ENTREP2: variants seen among roughly 807,000 people sequenced by gnomAD.
ENTREP2 encodes endosomal transmembrane epsin interactor 2, also known as protein ENTREP2.
At chr15:29,134,311 T>C in the ENTREP2 span, among the ~76,000 whole-genome samples, 1 of 152,186 alleles carries the variant, frequency 6.6e-6, no homozygotes, top group Non-Finnish European at 1.5e-5. Flanking sequence ...GACTAAAGGA[T>C]TCCTCTCCAC....
chr15:29,656,289 G>C, the ENTREP2 span, among the ~76,000 whole-genome samples: 1 of 151,492 alleles, frequency 6.6e-6, no homozygotes, highest in African/African-American at 2.4e-5. Context: ...GCAGTAGCAC[G>C]ATTTCAGCTC....
the ENTREP2 span, among the ~76,000 whole-genome samples, chr15:29,211,274 G>A: frequency 6.6e-6 from 1 of 152,144 alleles, no homozygotes; most frequent in South Asian, 2.1e-4. Context: ...GAGTCATGGT[G>A]TTCTGTGACC....
chr15:29,409,887 G>A, the ENTREP2 span, among the ~76,000 whole-genome samples: 3 of 152,272 alleles, frequency 2.0e-5, no homozygotes, highest in African/African-American at 7.2e-5. Context: ...TAGCTCAAAC[G>A]TTGAATGACA....
the ENTREP2 span, among the ~76,000 whole-genome samples, chr15:29,306,131 G>A: frequency 6.6e-6 from 1 of 152,248 alleles, no homozygotes; most frequent in African/African-American, 2.4e-5. Context: ...TGGGTTGTTG[G>A]TGATCCTTCA....
chr15:29,254,178 A>AT, the ENTREP2 span, among the ~76,000 whole-genome samples: 1,263 of 150,052 alleles, frequency 8.4e-3, 23 homozygotes, highest in African/African-American at 0.03. Flanking sequence ...AAAAAAAAAA[A>AT]AAAAAAAAAA....
chr15:29,549,331 G>A, the ENTREP2 span, among the ~76,000 whole-genome samples: 9 of 151,532 alleles, frequency 5.9e-5, no homozygotes, highest in Non-Finnish European at 1.2e-4. Context: ...GTGCAGTGGT[G>A]TGATATCCAC....
the ENTREP2 span, among the ~76,000 whole-genome samples, chr15:29,305,516 G>A: frequency 6.6e-6 from 1 of 152,176 alleles, no homozygotes; most frequent in Non-Finnish European, 1.5e-5. Flanking sequence ...AGAAGTGGCT[G>A]GACCCTGGAT....
chr15:29,446,608 C>G, the ENTREP2 span, among the ~76,000 whole-genome samples: 5 of 152,174 alleles, frequency 3.3e-5, no homozygotes, highest in Non-Finnish European at 7.3e-5. Flanking sequence ...TCTTGATATA[C>G]GTGTATACTG....
chr15:29,633,483 T>C, the ENTREP2 span, among the ~76,000 whole-genome samples: 2 of 151,992 alleles, frequency 1.3e-5, no homozygotes, highest in African/African-American at 4.8e-5. Flanking sequence ...TTGAAATGTA[T>C]TTGGTATGAC....
At chr15:29,424,264 G>A in the ENTREP2 span, among the ~76,000 whole-genome samples, 2 of 152,228 alleles carry the variant, frequency 1.3e-5, no homozygotes, top group East Asian at 1.9e-4. Flanking sequence ...GGCTCCCACC[G>A]CTGACTGGGT....
chr15:29,146,040 A>G, the ENTREP2 span, among the ~76,000 whole-genome samples: 1 of 152,238 alleles, frequency 6.6e-6, no homozygotes, highest in Admixed American at 6.5e-5. Flanking sequence ...AATTTAATTA[A>G]GATAGTAATT....
the ENTREP2 span, among the ~76,000 whole-genome samples, chr15:29,642,463 T>C: frequency 1.6e-3 from 237 of 145,608 alleles, no homozygotes; most frequent in Non-Finnish European, 2.8e-3. Context: ...CACACACACA[T>C]ATATATACTG....
chr15:29,525,250 G>A, the ENTREP2 span, among the ~76,000 whole-genome samples: 1 of 152,168 alleles, frequency 6.6e-6, no homozygotes, highest in African/African-American at 2.4e-5. Flanking sequence ...TCTATTCCTA[G>A]GTACATACCC....
the ENTREP2 span, among the ~76,000 whole-genome samples, chr15:29,158,583 A>AT: frequency 3.3e-5 from 5 of 151,812 alleles, no homozygotes; most frequent in Non-Finnish European, 7.4e-5. Flanking sequence ...TTTGATGTAT[A>AT]TTTTTTTAAG....
chr15:29,539,739 C>T, the ENTREP2 span, among the ~76,000 whole-genome samples: 1 of 152,086 alleles, frequency 6.6e-6, no homozygotes, highest in African/African-American at 2.4e-5. Context: ...TTGGAGAGGG[C>T]CCAGAATCGC....
the ENTREP2 span, among the ~76,000 whole-genome samples, chr15:29,167,933 C>T: frequency 6.6e-6 from 1 of 152,138 alleles, no homozygotes. Context: ...AAATGCCCAT[C>T]AATCAATGAG....
chr15:29,426,164 T>C, the ENTREP2 span, among the ~76,000 whole-genome samples: 2 of 152,138 alleles, frequency 1.3e-5, no homozygotes, highest in Admixed American at 1.3e-4. Context: ...TATTCAGAAA[T>C]GGTATGCAGA....
the ENTREP2 span, among the ~76,000 whole-genome samples, chr15:29,480,727 G>A: frequency 6.6e-6 from 1 of 152,144 alleles, no homozygotes; most frequent in Non-Finnish European, 1.5e-5. Context: ...AGCAAACCTG[G>A]TGGACACTGG....
At chr15:29,525,407 GAAATA>G in the ENTREP2 span, among the ~76,000 whole-genome samples, 1 of 152,204 alleles carries the variant, frequency 6.6e-6, no homozygotes, top group Non-Finnish European at 1.5e-5. Flanking sequence ...GCCATAAAAT[GAAATA>G]AAGTATTATT....
Sources: allele counts gnomAD v4.1 joint callset (sites outside exome capture counted in the v4.1 genomes callset), GRCh38; gene constraint gnomAD v4.1.1; transcripts MANE v1.5; gene names NCBI Gene and HGNC (gene_info 2026-07-23, HGNC 2026-07-21).